PPTC7: variants seen among roughly 807,000 people sequenced by gnomAD.
PPTC7 encodes the protein protein phosphatase PTC7 homolog.
Under a neutral mutation model 30.8 loss-of-function variants are expected in PPTC7, and 6 were observed. The ratio of observed to expected loss-of-function variants is 0.19; its 90% CI spans 0.11 to 0.38. The LOEUF is 0.38. Ranked by LOEUF, PPTC7 falls within the 10% of genes least tolerant of loss-of-function variation. The pLI, the probability that PPTC7 is intolerant of heterozygous loss-of-function variation, is 1.00. For missense variants in PPTC7, 218 were observed against 404.8 expected (o/e 0.54, Z 3.96); for synonymous variants, 163 against 168.1 (o/e 0.97, Z 0.23).
chr12:110,582,519 C>T (rs1218129709), intron 1 of PPTC7, among the ~76,000 whole-genome samples: 3 of 152,198 alleles, frequency 2.0e-5, no homozygotes, highest in African/African-American at 7.2e-5. Context: ...CGAGTGAGAC[C>T]GAGAGTGTGG....
At chr12:110,570,768 T>C (rs1462221240) in intron 1 of PPTC7, among the ~76,000 whole-genome samples, 1 of 147,222 alleles carries the variant, frequency 6.8e-6, no homozygotes, top group Non-Finnish European at 1.5e-5. Flanking sequence ...GCTGACCCTC[T>C]CCCCACAATT....
intron 1 of PPTC7, among the ~76,000 whole-genome samples, chr12:110,571,316 C>A (rs1278809653): frequency 6.6e-6 from 1 of 151,416 alleles, no homozygotes; most frequent in African/African-American, 2.4e-5. Flanking sequence ...AACTTTAGAT[C>A]TAAAAGATTG....
intron 1 of PPTC7, among the ~76,000 whole-genome samples, chr12:110,576,290 AATATT>A (rs2064588389): frequency 6.6e-6 from 1 of 151,832 alleles, no homozygotes; most frequent in African/African-American, 2.4e-5. Flanking sequence ...TATGTATATT[AATATT>A]ATATAGCTAC....
chr12:110,540,845 G>A (rs529529746), intron 3 of PPTC7, among the ~76,000 whole-genome samples: 6 of 151,206 alleles, frequency 4.0e-5, no homozygotes, highest in South Asian at 2.1e-4. Flanking sequence ...GCGCGATCTC[G>A]GCTCACTGCG....
At chr12:110,567,942 T>A (rs1301863604) in intron 1 of PPTC7, among the ~76,000 whole-genome samples, 1 of 152,178 alleles carries the variant, frequency 6.6e-6, no homozygotes, top group Non-Finnish European at 1.5e-5. Flanking sequence ...TTGAATGTGC[T>A]GCCTCTTCAA....
intron 2 of PPTC7, 81 bp downstream of exon 2, chr12:110,551,708 T>C: frequency 7.7e-7 from 1 of 1,294,716 alleles, no homozygotes; most frequent in South Asian, 1.4e-5. Context: ...AAAAAGCTGG[T>C]CCGATAAATG....
intron 1 of PPTC7, among the ~76,000 whole-genome samples, chr12:110,575,142 A>C (rs1369570574): frequency 5.3e-5 from 8 of 151,924 alleles, no homozygotes; most frequent in Admixed American, 5.3e-4. Flanking sequence ...CAGACTCATA[A>C]ATTTTATTAC....
intron 1 of PPTC7, among the ~76,000 whole-genome samples, chr12:110,580,574 A>G (rs2064628205): frequency 6.6e-6 from 1 of 152,130 alleles, no homozygotes; most frequent in Non-Finnish European, 1.5e-5. Flanking sequence ...TCCTAACCTC[A>G]GGTGATCCGC....
At chr12:110,537,214 G>C in intron 5 of PPTC7, 119 bp from the exon 6 acceptor site, 1 of 681,042 alleles carries the variant, frequency 1.5e-6, no homozygotes, top group Non-Finnish European at 2.5e-6. Context: ...TGGTTTGTCA[G>C]TATACCCTAG....
At chr12:110,579,159 A>G (rs1159582470) in intron 1 of PPTC7, among the ~76,000 whole-genome samples, 1 of 152,092 alleles carries the variant, frequency 6.6e-6, no homozygotes, top group Non-Finnish European at 1.5e-5. Context: ...AAAAAAAAAA[A>G]AAAGTCATCA....
intron 1 of PPTC7, among the ~76,000 whole-genome samples, chr12:110,554,012 C>T (rs987506020): frequency 3.3e-5 from 5 of 152,116 alleles, no homozygotes; most frequent in African/African-American, 4.8e-5. Context: ...GTGCTCGACA[C>T]CACACCTGAC....
chr12:110,541,734 C>T (rs2028004), intron 3 of PPTC7, among the ~76,000 whole-genome samples: 125,159 of 149,886 alleles, frequency 0.84, 52,968 homozygotes, highest in East Asian at 1. Context: ...ATACATTCAC[C>T]GGAAATAGCT....
At chr12:110,582,262 C>G (rs1266557665) in intron 1 of PPTC7, among the ~76,000 whole-genome samples, 1 of 152,214 alleles carries the variant, frequency 6.6e-6, no homozygotes, top group African/African-American at 2.4e-5. Flanking sequence ...CAGCAGCCCC[C>G]ACCGCCACAC....
chr12:110,561,173 T>G (rs1186142129), intron 1 of PPTC7, among the ~76,000 whole-genome samples: 3 of 152,196 alleles, frequency 2.0e-5, no homozygotes, highest in Non-Finnish European at 2.9e-5. Context: ...TCAAAGACTT[T>G]AGTGTTCTCA....
intron 2 of PPTC7, 43 bp from the exon 3 acceptor site, chr12:110,546,121 T>C: frequency 1.3e-6 from 2 of 1,546,588 alleles, no homozygotes; most frequent in Non-Finnish European, 1.8e-6. Context: ...CTTCCTAGGC[T>C]GCCTTTGCAC....
intron 2 of PPTC7, among the ~76,000 whole-genome samples, chr12:110,549,397 A>G (rs897577483): frequency 6.6e-6 from 1 of 151,908 alleles, no homozygotes; most frequent in Non-Finnish European, 1.5e-5. Flanking sequence ...TTACCTAACT[A>G]ACTTATCTGG....
At position 110,582,794 on chromosome 12, in the gene PPTC7, G is replaced by C. The variant is rs958423397; in HGVS notation, c.223+15C>G. On this transcript the variant is annotated intron_variant, in intron 1 of 5. Transcript: ENST00000354300. The stretch of plus-strand genomic sequence containing the variant: ...GATCCGAGGCTGGGGCAAGGGAACC[G>C]GGTCGGGGACTCACCGAGCACGTCC... 3 of 1,542,376 alleles carry C rather than the reference G, an allele frequency of 1.9e-6. No homozygotes were observed. The highest frequency in any genetic ancestry group is 2.7e-5 in the African/African-American group (2 of 72,754).
At chr12:110,557,546 G>C (rs1361535354) in intron 1 of PPTC7, among the ~76,000 whole-genome samples, 1 of 152,142 alleles carries the variant, frequency 6.6e-6, no homozygotes, top group Non-Finnish European at 1.5e-5. Context: ...CCAAAGTGCC[G>C]AGATTATGGG....
intron 3 of PPTC7, among the ~76,000 whole-genome samples, chr12:110,540,353 G>A (rs945002307): frequency 8.7e-6 from 1 of 114,392 alleles, no homozygotes; most frequent in Non-Finnish European, 1.6e-5. Context: ...GACAAGTCTC[G>A]CTCTGTTGTC....
Sources: gnomAD v4.1 joint callset for allele counts (sites outside exome capture counted in the v4.1 genomes callset) on GRCh38, gnomAD v4.1.1 for gene constraint, MANE v1.5 for transcripts, NCBI Gene and HGNC (gene_info 2026-07-23, HGNC 2026-07-21) for gene names.